The following RAD54L2 variants were observed in gnomAD, a reference collection of about 807,000 sequenced individuals.
The protein encoded by RAD54L2 is RAD54 like 2, also known as helicase ARIP4.
A neutral mutation model predicts 138.4 loss-of-function variants in RAD54L2; 27 were observed. The observed-to-expected ratio is 0.20, with a 90% CI of 0.14 to 0.27. RAD54L2 has a LOEUF of 0.27. RAD54L2 is among the 10% of genes least tolerant of loss of function. The pLI is 1.00. For synonymous variants in RAD54L2, 644 were observed against 723.2 expected, an observed-to-expected ratio of 0.89 and a Z score of 1.76; for missense variants, 1,396 against 1,890.2, an observed-to-expected ratio of 0.74 and a Z score of 4.85.
chr3:51,577,847 G>C (rs985905452), intron 2 of RAD54L2, among the ~76,000 whole-genome samples: 1 of 152,058 alleles, frequency 6.6e-6, no homozygotes, highest in Non-Finnish European at 1.5e-5. Context: ...CTTCTGTGTC[G>C]CTTACGCTGG....
At chr3:51,636,986 C>T in intron 10 of RAD54L2, 175 bp from the exon 11 acceptor site, 1 of 613,128 alleles carries the variant, frequency 1.6e-6, no homozygotes, top group Non-Finnish European at 2.9e-6. Context: ...CCAAGTCATA[C>T]CAGTCATATC....
chr3:51,548,043 C>T (rs1408140716), intron 2 of RAD54L2, among the ~76,000 whole-genome samples: 2 of 103,370 alleles, frequency 1.9e-5, no homozygotes, highest in Non-Finnish European at 3.9e-5. Flanking sequence ...AGGCACCTGC[C>T]ACCACACTCG....
chr3:51,546,757 G>A (rs977330950), intron 2 of RAD54L2, among the ~76,000 whole-genome samples: 9 of 145,760 alleles, frequency 6.2e-5, no homozygotes, highest in African/African-American at 2.0e-4. Context: ...GGCCAGGCGC[G>A]GTGGCTCACG....
chr3:51,570,745 G>A (rs1222162841), intron 2 of RAD54L2, among the ~76,000 whole-genome samples: 3 of 152,230 alleles, frequency 2.0e-5, no homozygotes, highest in African/African-American at 4.8e-5. Flanking sequence ...ATGAGCCACC[G>A]GTGCCCAGCC....
intron 2 of RAD54L2, among the ~76,000 whole-genome samples, chr3:51,581,537 C>G (rs1402859870): frequency 1.3e-5 from 2 of 152,156 alleles, no homozygotes; most frequent in Admixed American, 6.6e-5. Context: ...TCACACAGTT[C>G]ATACTGAATG....
intron 2 of RAD54L2, among the ~76,000 whole-genome samples, chr3:51,576,473 G>A (rs1254585528): frequency 1.3e-5 from 2 of 152,076 alleles, no homozygotes; most frequent in African/African-American, 4.8e-5. Flanking sequence ...AATCCATCTG[G>A]TCCTGGACTT....
Position 51,590,374 on chromosome 3 carries a change from G to A in RAD54L2, c.-47G>A. On this transcript the variant is annotated 5_prime_UTR_variant, in exon 3 of 23. Transcript: ENST00000684192. ...CCTTTCATCCTCTCCTAGCACCCCTGCAGTGGACCATGAGTCGGTAATGCC... is the reference window on the plus strand; with the variant it reads ...CCTTTCATCCTCTCCTAGCACCCCTACAGTGGACCATGAGTCGGTAATGCC... 1 of 1,481,838 alleles carries A rather than the reference G, an allele frequency of 6.7e-7. No individual in the cohort carries two copies. Among genetic ancestry groups the A allele is most frequent in the Middle Eastern group, 1.8e-4 (1 of 5,458 alleles). The allele number at this position is 1,481,838 out of a possible 1,614,324, so 91.8% of individuals were successfully genotyped here.
At chr3:51,644,135 A>G (rs1701210341) in intron 16 of RAD54L2, among the ~76,000 whole-genome samples, 161 bp downstream of exon 16, 1 of 152,258 alleles carries the variant, frequency 6.6e-6, no homozygotes, top group Admixed American at 6.5e-5. Flanking sequence ...TTAGGTTAGC[A>G]GGGCAGTCAT....
intron 3 of RAD54L2, among the ~76,000 whole-genome samples, chr3:51,609,487 TAA>T (rs1700281650): frequency 6.6e-6 from 1 of 152,222 alleles, no homozygotes. Context: ...AGGGATCATT[TAA>T]AATTTTCAGT....
intron 19 of RAD54L2, among the ~76,000 whole-genome samples, chr3:51,649,736 T>G (rs1183990496): frequency 2.6e-5 from 4 of 151,874 alleles, no homozygotes; most frequent in Non-Finnish European, 5.9e-5. Context: ...CCTCAAATGC[T>G]GAGAGATTTG....
chr3:51,557,830 CAAAAAAA>C (rs1166273906), intron 2 of RAD54L2, among the ~76,000 whole-genome samples: 5 of 32,212 alleles, frequency 1.6e-4, no homozygotes, highest in East Asian at 9.8e-4. Flanking sequence ...AACTCCATCT[CAAAAAAA>C]AAAAAAAAAA....
At chr3:51,567,828 A>T (rs1461704447) in intron 2 of RAD54L2, among the ~76,000 whole-genome samples, 1 of 151,768 alleles carries the variant, frequency 6.6e-6, no homozygotes, top group East Asian at 1.9e-4. Context: ...ACAAAAAATA[A>T]TTTAGTACAG....
rs567889470 is a variant in RAD54L2, at chr3:51,633,828, C to T, written c.1008+69C>T. The T allele has an allele frequency of 1.4e-4, 231 of 1,601,674 alleles. 3 individuals carry two copies. The South Asian group carries it at 2.5e-3, about 17-fold the overall frequency. On this transcript the variant is annotated intron_variant, in intron 8 of 22. Coordinates refer to ENST00000684192, the MANE Select transcript of RAD54L2 (RefSeq NM_015106.4). Reference sequence around the variant, plus strand: ...GCTCTGTGTTAATGCCTTTACTGGGCACCAAAAAGCTTGATGAGCTCAGCT... The same window carrying T: ...GCTCTGTGTTAATGCCTTTACTGGGTACCAAAAAGCTTGATGAGCTCAGCT...
chr3:51,603,169 C>CATGGTGTCA (rs2106739508), intron 3 of RAD54L2, among the ~76,000 whole-genome samples: 1 of 146,210 alleles, frequency 6.8e-6, no homozygotes, highest in Non-Finnish European at 1.5e-5. Context: ...AAAAGCCAGG[C>CATGGTGTCA]ATGGTGTCAA....
intron 2 of RAD54L2, among the ~76,000 whole-genome samples, chr3:51,581,001 G>A (rs1296564523): frequency 6.6e-6 from 1 of 152,086 alleles, no homozygotes; most frequent in African/African-American, 2.4e-5. Flanking sequence ...TACCAATTAA[G>A]GAAAAACTAT....
intron 22 of RAD54L2, among the ~76,000 whole-genome samples, chr3:51,660,758 A>G (rs1701746236): frequency 6.7e-6 from 1 of 150,098 alleles, no homozygotes; most frequent in Non-Finnish European, 1.5e-5. Flanking sequence ...AGTAGCTGAG[A>G]TTACAGAAGC....
intron 2 of RAD54L2, among the ~76,000 whole-genome samples, chr3:51,560,369 T>C (rs576216525): frequency 6.6e-6 from 1 of 150,856 alleles, no homozygotes; most frequent in South Asian, 2.1e-4. Context: ...TTTCTTTTTT[T>C]TTTTTTTTGA....
intron 3 of RAD54L2, among the ~76,000 whole-genome samples, chr3:51,613,188 C>A (rs1374165919): frequency 1.3e-5 from 2 of 152,028 alleles, no homozygotes; most frequent in African/African-American, 2.4e-5. Flanking sequence ...CCACCCGCCT[C>A]GGCCTCCCAA....
intron 2 of RAD54L2, among the ~76,000 whole-genome samples, chr3:51,569,387 A>ATT (rs1024949196): frequency 6.9e-6 from 1 of 144,426 alleles, no homozygotes; most frequent in Non-Finnish European, 1.5e-5. Context: ...TGTTGATTCT[A>ATT]TTTTTTTTTT....
Sources: allele counts gnomAD v4.1 joint callset (sites outside exome capture counted in the v4.1 genomes callset), GRCh38; gene constraint gnomAD v4.1.1; transcripts MANE v1.5; gene names NCBI Gene and HGNC (gene_info 2026-07-23, HGNC 2026-07-21).